PARL: variants seen among roughly 807,000 people sequenced by gnomAD.
PARL encodes the protein presenilin associated rhomboid like, also known as presenilin-associated rhomboid-like protein, mitochondrial.
A neutral mutation model predicts 51.6 loss-of-function variants in PARL; 44 were observed. That is an observed-to-expected ratio of 0.85 (90% CI 0.67 to 1.10). The LOEUF is 1.10. PARL is among the 50% of genes least tolerant of loss of function. PARL has a pLI of 0.00. For missense variants in PARL, 441 were observed against 469.5 expected (o/e 0.94, Z 0.56); for synonymous variants, 172 against 164.0 (o/e 1.05, Z -0.37).
At chr3:183,869,177 C>T (rs1382617992) in intron 1 of PARL, among the ~76,000 whole-genome samples, 1 of 152,048 alleles carries the variant, frequency 6.6e-6, no homozygotes, top group Non-Finnish European at 1.5e-5. Context: ...AGTAAAGATC[C>T]CTTTCTGTTT....
Position 183,829,415 on chromosome 3 carries a change from T to C in PARL, c.*183A>G. 1 of 1,544,918 alleles carries C rather than the reference T, an allele frequency of 6.5e-7. No homozygotes were observed. The highest frequency in any genetic ancestry group is 8.7e-7 in the Non-Finnish European group (1 of 1,149,920). On this transcript the variant is annotated 3_prime_UTR_variant, in exon 10 of 10. Transcript: ENST00000317096. The stretch of plus-strand genomic sequence containing the variant: ...TTACAAACTAGATAGAAACCTTTAT[T>C]TCACAACTTTATCATCATTCACATT...
chr3:183,868,044 GAATA>G lies in PARL; in HGVS notation c.138_141del (p.Ile47AsnfsTer32). On this transcript the variant is annotated frameshift_variant, in exon 2 of 10. Transcript: ENST00000317096. LOFTEE classifies it high-confidence loss of function. ...GCTTTTCTGAATCCGCATTTTTGTT[GAATA>G]AAGAAGTTAAACCTATGGGGCAAAA... is the stretch of plus-strand genomic sequence containing the variant. 1.2e-6 allele frequency: 2 copies of G among 1,613,924 alleles called. No individual in the cohort carries two copies. The highest frequency in any genetic ancestry group is 8.5e-7 in the Non-Finnish European group (1 of 1,179,846).
At chr3:183,858,749 T>C (rs1343923646) in intron 4 of PARL, among the ~76,000 whole-genome samples, 7 of 152,074 alleles carry the variant, frequency 4.6e-5, no homozygotes, top group South Asian at 2.1e-4. Context: ...AACAGAAAAT[T>C]AGGTGAAATA....
At chr3:183,846,219 G>T (rs1332543382) in intron 4 of PARL, among the ~76,000 whole-genome samples, 2 of 152,108 alleles carry the variant, frequency 1.3e-5, no homozygotes, top group Non-Finnish European at 2.9e-5. Flanking sequence ...GGCCGGGTGC[G>T]GTGGCTCACG....
At chr3:183,868,391 C>CT (rs145149456) in intron 1 of PARL, among the ~76,000 whole-genome samples, 618 of 145,298 alleles carry the variant, frequency 4.3e-3, no homozygotes, top group African/African-American at 8.6e-3. Context: ...TTGTCCGTTT[C>CT]TTTTTTTTTT....
downstream of PARL, among the ~76,000 whole-genome samples, chr3:183,828,169 C>T (rs979272493): frequency 1.2e-4 from 18 of 152,248 alleles, no homozygotes; most frequent in African/African-American, 4.1e-4. Context: ...TTTTAGGGAC[C>T]AGGAGATGCT....
At position 183,866,723 on chromosome 3, in the gene PARL, C is replaced by T. The variant is rs1732523596; in HGVS notation, c.364G>A (p.Glu122Lys). 1.2e-6 allele frequency: 2 copies of T among 1,610,120 alleles called. No homozygotes were observed. The highest frequency in any genetic ancestry group is 1.7e-5 in the Admixed American group (1 of 59,998). The stretch of plus-strand genomic sequence containing the variant: ...CTCTGGACCCTGGATTTCAGTGATT[C>T]ATATTGCCAAATAGCAGCTGATCCA... ...AFGSAAIWQY[E>K]SLKSRVQSYF... Residue 122 changes from glutamate (E) to lysine (K), a missense_variant, in exon 3 of 10, where the codon GAA becomes AAA. Physicochemically the swap from Glu to Lys is moderately conservative, Grantham distance 56. Transcript: ENST00000317096.
chr3:183,844,304 A>G lies in PARL; in HGVS notation c.534T>C (p.Leu178=). The G allele has an allele frequency of 1.2e-6, 2 of 1,603,326 alleles. No homozygotes were observed. The highest frequency in any genetic ancestry group is 1.7e-6 in the Non-Finnish European group (2 of 1,170,256). Residue 178 remains leucine (L), a synonymous_variant, in exon 5 of 10, where the codon CTT becomes CTC. Transcript: ENST00000317096. ...TVTGIIAANV[L]VFCLWRVPSL... Reference sequence around the variant, plus strand: ...AAGGTACTCTCCATAAACAGAATACAAGGACATTTGCAGCTATAATACCTA... The same window carrying G: ...AAGGTACTCTCCATAAACAGAATACGAGGACATTTGCAGCTATAATACCTA...
At chr3:183,828,552 GGAA>G (rs757421078), downstream of PARL, among the ~76,000 whole-genome samples, 4 of 152,326 alleles carry the variant, frequency 2.6e-5, no homozygotes, top group East Asian at 1.9e-4. Flanking sequence ...CCAGCCTGAT[GGAA>G]GAAGGATATG....
chr3:183,829,730 T>A (rs1318165805), intron 9 of PARL, 21 bp from the exon 10 acceptor site: 1 of 1,591,806 alleles, frequency 6.3e-7, no homozygotes, highest in Admixed American at 1.7e-5. Flanking sequence ...ACAAACCAGG[T>A]CCGACATTCA....
chr3:183,841,638 G>A (rs1430175979), intron 6 of PARL, among the ~76,000 whole-genome samples: 1 of 152,152 alleles, frequency 6.6e-6, no homozygotes, highest in Non-Finnish European at 1.5e-5. Context: ...ATTGTATTAA[G>A]TAAGTACATT....
chr3:183,862,970 T>C (rs56214412), intron 3 of PARL, among the ~76,000 whole-genome samples, 169 bp from the exon 4 acceptor site: 7,614 of 152,250 alleles, frequency 0.05, 659 homozygotes, highest in African/African-American at 0.17. Flanking sequence ...ACATGTTTTA[T>C]AGTCAGGCAG....
intron 6 of PARL, among the ~76,000 whole-genome samples, chr3:183,841,414 T>C (rs1045769486): frequency 1.3e-5 from 2 of 152,214 alleles, no homozygotes; most frequent in African/African-American, 4.8e-5. Context: ...CTGGGGCTTG[T>C]GGTAGATGCT....
intron 4 of PARL, among the ~76,000 whole-genome samples, chr3:183,854,716 A>G (rs1435146233): frequency 1.3e-5 from 2 of 150,400 alleles, no homozygotes; most frequent in African/African-American, 2.4e-5. Context: ...AATGATTAAG[A>G]TGGTATATTT....
At chr3:183,848,619 C>T (rs778388897) in intron 4 of PARL, among the ~76,000 whole-genome samples, 68 of 152,192 alleles carry the variant, frequency 4.5e-4, no homozygotes, top group Non-Finnish European at 1.2e-4. Context: ...AGCCTCATTC[C>T]CAAAGAATTG....
rs145819179 is a variant in PARL, at chr3:183,860,206, C to T, written c.511+2547G>A. 1.1e-3 allele frequency among the ~76,000 whole-genome samples: 161 copies of T among 152,256 alleles called. 1 individual carries two copies. The highest frequency in any genetic ancestry group is 3.7e-3 in the African/African-American group (155 of 41,546). On this transcript the variant is annotated intron_variant, in intron 4 of 9. Transcript: ENST00000317096. ...AGTCTACAAGAAGCAATCAGGAGTGCTCAGCAAGGAAAGCTGGACTAATTG... is the reference window on the plus strand; with the variant it reads ...AGTCTACAAGAAGCAATCAGGAGTGTTCAGCAAGGAAAGCTGGACTAATTG...
intron 9 of PARL, among the ~76,000 whole-genome samples, chr3:183,830,578 T>C (rs1033390018): frequency 6.6e-6 from 1 of 152,128 alleles, no homozygotes; most frequent in African/African-American, 2.4e-5. Flanking sequence ...ACCTTTATTT[T>C]TGCTCTGGCT....
intron 7 of PARL, among the ~76,000 whole-genome samples, chr3:183,839,874 C>T (rs1465869875): frequency 1.3e-5 from 2 of 152,112 alleles, no homozygotes; most frequent in South Asian, 2.1e-4. Context: ...CTGAGACTAC[C>T]GGCATAAGCC....
chr3:183,840,374 T>A (rs1729149311), intron 7 of PARL, among the ~76,000 whole-genome samples, 196 bp downstream of exon 7: 1 of 152,238 alleles, frequency 6.6e-6, no homozygotes, highest in Non-Finnish European at 1.5e-5. Flanking sequence ...TTTACAAAGC[T>A]TTACAAATGT....
Sources: allele counts gnomAD v4.1 joint callset (sites outside exome capture counted in the v4.1 genomes callset), GRCh38; gene constraint gnomAD v4.1.1; transcripts MANE v1.5; gene names NCBI Gene and HGNC (gene_info 2026-07-23, HGNC 2026-07-21).